The following CADPS2 variants were observed in gnomAD, a reference collection of about 807,000 sequenced individuals.
CADPS2 encodes calcium-dependent secretion activator 2.
CADPS2 carries 93 observed loss-of-function variants against 172.5 expected under a neutral mutation model. The observed-to-expected ratio is 0.54, with a 90% confidence interval of 0.46 to 0.64. The LOEUF is 0.64. Ranked by LOEUF, CADPS2 falls within the 30% of genes least tolerant of loss-of-function variation. The pLI, the probability that CADPS2 is intolerant of heterozygous loss-of-function variation, is 0.00. For missense variants in CADPS2, 1,420 were observed against 1,565.9 expected (o/e 0.91, Z 1.57); for synonymous variants, 546 against 555.2 (o/e 0.98, Z 0.23).
intron 20 of CADPS2, among the ~76,000 whole-genome samples, chr7:122,399,656 G>GTTTTTTTTTTTT (rs1563239204): frequency 1.1e-5 from 1 of 94,550 alleles, no homozygotes; most frequent in Non-Finnish European, 2.4e-5. Flanking sequence ...TCAAGGGTGG[G>GTTTTTTTTTTTT]TTTCTTTTTT....
intron 1 of CADPS2, among the ~76,000 whole-genome samples, chr7:122,747,863 G>T (rs1243696077): frequency 6.6e-6 from 1 of 151,990 alleles, no homozygotes; most frequent in Non-Finnish European, 1.5e-5. Flanking sequence ...CCTCTGCCTA[G>T]AATACCATAG....
At chr7:122,576,118 T>C (rs1028401484) in intron 7 of CADPS2, among the ~76,000 whole-genome samples, 4 of 152,170 alleles carry the variant, frequency 2.6e-5, no homozygotes. Context: ...TTTGTGACAG[T>C]TTCTCACTTT....
chr7:122,417,979 G>A (rs2048120310), intron 17 of CADPS2, among the ~76,000 whole-genome samples: 1 of 152,090 alleles, frequency 6.6e-6, no homozygotes, highest in Admixed American at 6.5e-5. Flanking sequence ...AAACCAGCCT[G>A]GCCAACATGG....
intron 8 of CADPS2, among the ~76,000 whole-genome samples, chr7:122,525,403 C>T (rs975553943): frequency 2.6e-5 from 4 of 152,296 alleles, no homozygotes; most frequent in African/African-American, 9.6e-5. Flanking sequence ...CCAATAGCCT[C>T]TTCTACGAAA....
chr7:122,635,779 T>C (rs2077013354), intron 3 of CADPS2, among the ~76,000 whole-genome samples: 1 of 152,232 alleles, frequency 6.6e-6, no homozygotes, highest in Admixed American at 6.5e-5. Flanking sequence ...TGAATCTTTG[T>C]GCTCCAGTGT....
At chr7:122,614,254 G>A (rs2074636518) in intron 6 of CADPS2, among the ~76,000 whole-genome samples, 1 of 152,020 alleles carries the variant, frequency 6.6e-6, no homozygotes, top group South Asian at 2.1e-4. Context: ...AGGATGAGAA[G>A]CTTCAACTTG....
At chr7:122,808,676 T>C (rs1403363317) in intron 1 of CADPS2, among the ~76,000 whole-genome samples, 2 of 152,222 alleles carry the variant, frequency 1.3e-5, no homozygotes, top group Admixed American at 6.5e-5. Context: ...AGTACCCTTA[T>C]GGCTTTTTCT....
intron 6 of CADPS2, among the ~76,000 whole-genome samples, chr7:122,592,020 C>G (rs1448202677): frequency 3.9e-5 from 6 of 152,004 alleles, no homozygotes; most frequent in African/African-American, 1.4e-4. Flanking sequence ...TTCTGCACAG[C>G]AAAAGAAACT....
At position 122,732,564 on chromosome 7, in the gene CADPS2, G is replaced by T. The variant is rs112404543; in HGVS notation, c.453+4391C>A. Among the ~76,000 whole-genome samples, 510 of 148,308 alleles carry T rather than the reference G, an allele frequency of 3.4e-3. 5 individuals are homozygous for T. Among genetic ancestry groups the T allele is most frequent in the African/African-American group, 0.012 (499 of 40,714 alleles). ...GATTGTTCATATATATATTGTTGAAGAATATAATATAATATATATTCTAGG... is the reference window on the plus strand; with the variant it reads ...GATTGTTCATATATATATTGTTGAATAATATAATATAATATATATTCTAGG... On this transcript the variant is annotated intron_variant, in intron 2 of 29. Coordinates refer to ENST00000449022, the MANE Select transcript of CADPS2 (RefSeq NM_017954.11).
At chr7:122,696,177 T>G (rs1270674009) in intron 2 of CADPS2, among the ~76,000 whole-genome samples, 1 of 152,182 alleles carries the variant, frequency 6.6e-6, no homozygotes, top group Non-Finnish European at 1.5e-5. Flanking sequence ...GGTGGGCAGC[T>G]AATTTATCCT....
intron 24 of CADPS2, 131 bp from the exon 25 acceptor site, chr7:122,379,573 GA>G: frequency 3.0e-6 from 2 of 665,062 alleles, no homozygotes; most frequent in Non-Finnish European, 2.7e-6. Context: ...AACATTAAAA[GA>G]ACAAAACCTT....
intron 25 of CADPS2, among the ~76,000 whole-genome samples, chr7:122,363,483 G>C (rs1241906847): frequency 6.6e-6 from 1 of 151,278 alleles, no homozygotes; most frequent in Admixed American, 6.6e-5. Flanking sequence ...GAGGCAGGAA[G>C]CCTGTTGATG....
At position 122,431,140 on chromosome 7, in the gene CADPS2, T is replaced by C. The variant is rs530695915; in HGVS notation, c.2476+7201A>G. 3.3e-5 allele frequency among the ~76,000 whole-genome samples: 5 copies of C among 152,368 alleles called. No individual in the cohort carries two copies. In the East Asian group the frequency reaches 9.6e-4, roughly 29 times the overall value. ...TTTGCCCTAAATTTTAATTATTTAG[T>C]AATTGGTTTGAAAGACTTTTTGCAA... On this transcript the variant is annotated intron_variant, in intron 17 of 29. Coordinates refer to ENST00000449022, the MANE Select transcript of CADPS2 (RefSeq NM_017954.11).
At chr7:122,324,260 G>A (rs894408727) in intron 29 of CADPS2, among the ~76,000 whole-genome samples, 1 of 151,948 alleles carries the variant, frequency 6.6e-6, no homozygotes, top group Non-Finnish European at 1.5e-5. Flanking sequence ...TCTGACTTTG[G>A]AACAGAACTT....
intron 28 of CADPS2, among the ~76,000 whole-genome samples, chr7:122,342,267 C>G (rs576609575): frequency 1.3e-5 from 2 of 152,244 alleles, no homozygotes; most frequent in South Asian, 4.1e-4. Flanking sequence ...AGGTTGTACA[C>G]TGAAAACTCT....
chr7:122,622,072 C>T (rs2075661827), intron 4 of CADPS2, among the ~76,000 whole-genome samples: 1 of 152,136 alleles, frequency 6.6e-6, no homozygotes, highest in Non-Finnish European at 1.5e-5. Context: ...CTTTGCGATG[C>T]TTGGGATAAC....
intron 28 of CADPS2, among the ~76,000 whole-genome samples, chr7:122,326,056 C>T (rs2033781709): frequency 1.4e-5 from 2 of 143,686 alleles, no homozygotes; most frequent in South Asian, 4.5e-4. Context: ...CCTAAAATTA[C>T]ATTTTAAAGT....
chr7:122,592,710 C>A (rs1261326268), intron 6 of CADPS2, among the ~76,000 whole-genome samples: 4 of 151,858 alleles, frequency 2.6e-5, no homozygotes, highest in African/African-American at 4.8e-5. Flanking sequence ...AGGTGGAAAC[C>A]ATCATTCTGA....
chr7:122,733,619 ACT>A (rs1364114415), intron 2 of CADPS2, among the ~76,000 whole-genome samples: 1 of 151,958 alleles, frequency 6.6e-6, no homozygotes, highest in Non-Finnish European at 1.5e-5. Context: ...CACAAATGTT[ACT>A]CTGAGTTCCC....
Sources: gnomAD v4.1 joint callset for allele counts (sites outside exome capture counted in the v4.1 genomes callset) on GRCh38, gnomAD v4.1.1 for gene constraint, MANE v1.5 for transcripts, NCBI Gene and HGNC (gene_info 2026-07-23, HGNC 2026-07-21) for gene names.